The following XKR9 variants were observed in gnomAD, a reference collection of about 807,000 sequenced individuals.
The protein encoded by XKR9 is XK related 9.
Under a neutral mutation model 32.0 loss-of-function variants are expected in XKR9, and 32 were observed. That is an observed-to-expected ratio of 1.00 (90% CI 0.76 to 1.34). XKR9 has a LOEUF of 1.34. XKR9 is among the 40% of genes most tolerant of loss of function. The pLI, the probability that XKR9 is intolerant of heterozygous loss-of-function variation, is 0.00. For missense variants in XKR9, 546 were observed against 429.7 expected (o/e 1.27, Z -2.39); for synonymous variants, 168 against 143.4 (o/e 1.17, Z -1.22).
the XKR9 span, among the ~76,000 whole-genome samples, chr8:70,992,164 T>C: frequency 1.7e-3 from 266 of 152,350 alleles, no homozygotes; most frequent in Non-Finnish European, 2.7e-3. Flanking sequence ...TAGAGTTGCA[T>C]CTAATTCTGC....
the XKR9 span, among the ~76,000 whole-genome samples, chr8:71,044,688 T>C: frequency 6.6e-6 from 1 of 152,246 alleles, no homozygotes; most frequent in Non-Finnish European, 1.5e-5. Flanking sequence ...AGATTCTGAA[T>C]TCATTTCCTA....
the XKR9 span, among the ~76,000 whole-genome samples, chr8:70,988,630 T>A: frequency 6.6e-6 from 1 of 152,232 alleles, no homozygotes; most frequent in East Asian, 1.9e-4. Flanking sequence ...TTGTTATTAG[T>A]TCTTCATCCA....
chr8:70,701,865 G>A (rs1248200828), intron 3 of XKR9, among the ~76,000 whole-genome samples: 1 of 152,058 alleles, frequency 6.6e-6, no homozygotes, highest in Non-Finnish European at 1.5e-5. Flanking sequence ...TGACAGTTTT[G>A]CATTTCTATT....
At chr8:70,762,473 C>T (rs148756682) in intron 2 of XKR9, among the ~76,000 whole-genome samples, 2 of 152,264 alleles carry the variant, frequency 1.3e-5, no homozygotes, top group East Asian at 3.9e-4. Context: ...CTCATAGGAG[C>T]ATGAACCATA....
intron 2 of XKR9, among the ~76,000 whole-genome samples, chr8:70,755,728 G>T: frequency 7.4e-6 from 1 of 135,678 alleles, no homozygotes; most frequent in Non-Finnish European, 1.6e-5. Context: ...ATGGACACGG[G>T]AAGGGGAACA....
the XKR9 span, among the ~76,000 whole-genome samples, chr8:70,953,208 A>G: frequency 6.6e-6 from 1 of 152,274 alleles, no homozygotes; most frequent in African/African-American, 2.4e-5. Flanking sequence ...CAATGATTAT[A>G]GCAGGCATTA....
the XKR9 span, among the ~76,000 whole-genome samples, chr8:70,993,601 T>TCTTCCTTC: frequency 0.014 from 1,481 of 104,710 alleles, 12 homozygotes; most frequent in African/African-American, 0.017. Context: ...TCATAGGACA[T>TCTTCCTTC]CTTCCTTCCT....
At position 70,710,691 on chromosome 8, in the gene XKR9, G is replaced by A. The variant is rs182101428; in HGVS notation, c.493+3538G>A. On this transcript the variant is annotated intron_variant, in intron 4 of 4. Coordinates refer to ENST00000408926, the MANE Select transcript of XKR9 (RefSeq NM_001011720.2). Reference sequence around the variant, plus strand: ...TGTACTCCAACCTGGGTGACAGAGCGAGACTCCATCTCAAACAACAACAAC... The same window carrying A: ...TGTACTCCAACCTGGGTGACAGAGCAAGACTCCATCTCAAACAACAACAAC... Among the ~76,000 whole-genome samples, 353 of 148,530 alleles carry A rather than the reference G, an allele frequency of 2.4e-3. 1 individual carries two copies. The highest frequency in any genetic ancestry group is 3.9e-3 in the Non-Finnish European group (259 of 66,402).
At chr8:71,005,939 G>T in the XKR9 span, among the ~76,000 whole-genome samples, 1 of 152,220 alleles carries the variant, frequency 6.6e-6, no homozygotes, top group Non-Finnish European at 1.5e-5. Flanking sequence ...GAGGAATGTT[G>T]TTCATAAGAG....
chr8:70,960,649 G>A, the XKR9 span, among the ~76,000 whole-genome samples: 14 of 152,028 alleles, frequency 9.2e-5, no homozygotes, highest in East Asian at 1.9e-4. Flanking sequence ...AGACTGAGGC[G>A]GGAGGATTGC....
chr8:70,791,538 G>C (rs1033308869), downstream of XKR9, among the ~76,000 whole-genome samples: 1 of 151,974 alleles, frequency 6.6e-6, no homozygotes, highest in Admixed American at 6.6e-5. Context: ...TTGTGGGAGT[G>C]GGTTCCTTCC....
the XKR9 span, among the ~76,000 whole-genome samples, chr8:70,988,012 G>A: frequency 9.2e-5 from 14 of 152,244 alleles, no homozygotes; most frequent in Admixed American, 2.0e-4. Context: ...AGCCATGGCC[G>A]GAGTGGCTGG....
the XKR9 span, among the ~76,000 whole-genome samples, chr8:71,000,856 A>G: frequency 6.6e-6 from 1 of 152,214 alleles, no homozygotes; most frequent in East Asian, 1.9e-4. Context: ...TCTCTTCCAA[A>G]GAGCTTGGCA....
the XKR9 span, among the ~76,000 whole-genome samples, chr8:71,020,419 A>G: frequency 1.3e-5 from 2 of 152,242 alleles, no homozygotes; most frequent in Non-Finnish European, 2.9e-5. Flanking sequence ...ATTGGGGCTC[A>G]AGGAAAATCA....
the XKR9 span, among the ~76,000 whole-genome samples, chr8:70,969,678 G>A: frequency 1.3e-5 from 2 of 152,120 alleles, no homozygotes; most frequent in Non-Finnish European, 1.5e-5. Context: ...TACAGTATTT[G>A]GCATGAAGTG....
chr8:71,024,765 C>G, the XKR9 span, among the ~76,000 whole-genome samples: 1 of 152,172 alleles, frequency 6.6e-6, no homozygotes, highest in African/African-American at 2.4e-5. Context: ...TCTGGGCTCC[C>G]CACTAATCTT....
the XKR9 span, among the ~76,000 whole-genome samples, chr8:70,997,222 G>A: frequency 4.6e-5 from 7 of 151,882 alleles, no homozygotes; most frequent in Admixed American, 1.3e-4. Context: ...GCTTGAACCC[G>A]GAAGGCGGAG....
the XKR9 span, among the ~76,000 whole-genome samples, chr8:70,889,780 C>T: frequency 2.6e-5 from 4 of 151,974 alleles, no homozygotes; most frequent in African/African-American, 7.2e-5. Context: ...TGTAGTATTC[C>T]GTGGTGTATA....
the XKR9 span, among the ~76,000 whole-genome samples, chr8:70,903,858 C>A: frequency 6.6e-6 from 1 of 152,094 alleles, no homozygotes; most frequent in Non-Finnish European, 1.5e-5. Context: ...TCGTTGGTTT[C>A]AAAGAACATC....
Sources: allele counts gnomAD v4.1 joint callset (sites outside exome capture counted in the v4.1 genomes callset), GRCh38; gene constraint gnomAD v4.1.1; transcripts MANE v1.5; gene names NCBI Gene and HGNC (gene_info 2026-07-23, HGNC 2026-07-21).